The following MLLT3 variants were observed in gnomAD, a reference collection of about 807,000 sequenced individuals.
MLLT3 encodes the protein protein AF-9.
In MLLT3, 4 loss-of-function variants were observed where a neutral mutation model predicts 53.2. The observed-to-expected ratio is 0.08, with a 90% CI of 0.04 to 0.17. The LOEUF is 0.17. Among genes scored for constraint, MLLT3 ranks in the 10% least tolerant of loss-of-function variants. The pLI is 1.00. For missense variants in MLLT3, 569 were observed against 684.0 expected (o/e 0.83, Z 1.87); for synonymous variants, 283 against 230.6 (o/e 1.23, Z -2.06).
intron 2 of MLLT3, among the ~76,000 whole-genome samples, chr9:20,506,535 A>G (rs1331816711): frequency 6.6e-6 from 1 of 152,166 alleles, no homozygotes; most frequent in African/African-American, 2.4e-5. Context: ...ACATGCTGTT[A>G]GTATAAGGAT....
At chr9:20,598,619 A>T (rs947085874) in intron 2 of MLLT3, among the ~76,000 whole-genome samples, 2 of 152,216 alleles carry the variant, frequency 1.3e-5, no homozygotes, top group Admixed American at 6.5e-5. Context: ...AAGACAAATG[A>T]CACAAAACAA....
intron 4 of MLLT3, among the ~76,000 whole-genome samples, chr9:20,440,343 G>A (rs189491166): frequency 2.6e-5 from 4 of 152,208 alleles, no homozygotes; most frequent in African/African-American, 4.8e-5. Context: ...CCCTGAAAAT[G>A]AACCACATAT....
intron 2 of MLLT3, among the ~76,000 whole-genome samples, chr9:20,462,326 T>G (rs1192427019): frequency 6.6e-6 from 1 of 152,214 alleles, no homozygotes; most frequent in South Asian, 2.1e-4. Flanking sequence ...TCCATTTCCT[T>G]GAACAAGAAT....
chr9:20,452,015 A>G (rs1823850781), intron 3 of MLLT3, among the ~76,000 whole-genome samples: 1 of 152,200 alleles, frequency 6.6e-6, no homozygotes, highest in African/African-American at 2.4e-5. Flanking sequence ...CAAATAAATG[A>G]GCAGAACTGA....
chr9:20,345,332 A>G lies in MLLT3; in HGVS notation c.*1111T>C. ...AATTTTTTCAAATATAAAAGTGTCT[A>G]AGAGAATCATATGTGAACAAACAAA... On this transcript the variant is annotated 3_prime_UTR_variant, in exon 11 of 11. Coordinates refer to ENST00000380338, the MANE Select transcript of MLLT3 (RefSeq NM_004529.4). The G allele has an allele frequency of 4.7e-6, 1 of 211,646 alleles. No homozygotes were observed. The highest frequency in any genetic ancestry group is 9.6e-6 in the Non-Finnish European group (1 of 104,388). 13.1% of individuals were successfully genotyped at this position (211,646 alleles called of 1,614,324 possible). A position where few individuals can be genotyped will look rare whatever the true frequency, so the allele number is the denominator to read the frequency against.
intron 6 of MLLT3, among the ~76,000 whole-genome samples, chr9:20,364,335 A>T (rs1162299230): frequency 1.3e-5 from 2 of 152,226 alleles, no homozygotes; most frequent in African/African-American, 2.4e-5. Context: ...TCAAACTCTA[A>T]TTTTATTCTA....
At chr9:20,574,179 T>C (rs936282121) in intron 2 of MLLT3, among the ~76,000 whole-genome samples, 2 of 152,226 alleles carry the variant, frequency 1.3e-5, no homozygotes, top group African/African-American at 4.8e-5. Context: ...TAGGTGATAA[T>C]GCCCGGACTA....
chr9:20,434,402 T>G (rs1463849861), intron 4 of MLLT3, among the ~76,000 whole-genome samples: 1 of 152,212 alleles, frequency 6.6e-6, no homozygotes, highest in African/African-American at 2.4e-5. Context: ...TTCCAATTTT[T>G]TTTAAATTAT....
chr9:20,384,400 T>G (rs1002629069), intron 5 of MLLT3, among the ~76,000 whole-genome samples: 1 of 152,056 alleles, frequency 6.6e-6, no homozygotes, highest in African/African-American at 2.4e-5. Context: ...TCTTTTTTCT[T>G]TAAAAACTAC....
intron 2 of MLLT3, among the ~76,000 whole-genome samples, chr9:20,471,054 T>C (rs991364302): frequency 1.3e-5 from 2 of 151,916 alleles, no homozygotes; most frequent in Non-Finnish European, 2.9e-5. Flanking sequence ...CATAAGGAAA[T>C]AAGTAGCTCA....
intron 10 of MLLT3, among the ~76,000 whole-genome samples, chr9:20,350,594 C>CAAAAA (rs774973521): frequency 8.1e-6 from 1 of 123,974 alleles, no homozygotes. Flanking sequence ...GACTCCGTCT[C>CAAAAA]AAAAAAAGAA....
Position 20,365,694 on chromosome 9 carries a change from G to A in MLLT3, c.1176C>T (p.Phe392=), listed in dbSNP as rs762708808. The A allele has an allele frequency of 7.4e-6, 12 of 1,614,120 alleles. No individual in the cohort carries two copies. The highest frequency in any genetic ancestry group is 4.5e-5 in the East Asian group (2 of 44,904). ...ASSSSSSSSS[F]TPSQTRQQGP... ...CTTGTTGCCTGGTCTGGGATGGTGT[G>A]AAGCTGGAGCTGGAGCTGGAGCTGG... The change falls in exon 6 of 11, where the codon TTC becomes TTT. Residue 392 remains phenylalanine (F), a synonymous_variant. Coordinates refer to ENST00000380338, the MANE Select transcript of MLLT3 (RefSeq NM_004529.4).
At chr9:20,539,546 G>A (rs1431316280) in intron 2 of MLLT3, among the ~76,000 whole-genome samples, 1 of 152,140 alleles carries the variant, frequency 6.6e-6, no homozygotes, top group Non-Finnish European at 1.5e-5. Context: ...AAGGGGAGAA[G>A]TGCCACACTT....
At chr9:20,471,831 C>T (rs1465372098) in intron 2 of MLLT3, among the ~76,000 whole-genome samples, 3 of 149,680 alleles carry the variant, frequency 2.0e-5, no homozygotes, top group Admixed American at 1.3e-4. Context: ...ATGTCACCTA[C>T]CATTTTTTTT....
chr9:20,436,426 A>G (rs551981102), intron 4 of MLLT3, among the ~76,000 whole-genome samples: 3 of 152,316 alleles, frequency 2.0e-5, no homozygotes, highest in East Asian at 1.9e-4. Context: ...CTACAAAGCA[A>G]TAAACAAAAA....
chr9:20,426,974 C>CAA (rs201271655), intron 4 of MLLT3, among the ~76,000 whole-genome samples: 2,197 of 152,164 alleles, frequency 0.014, 26 homozygotes, highest in Non-Finnish European at 0.02. Context: ...ACCTAAACCT[C>CAA]AGAGTCTCAA....
Position 20,346,536 on chromosome 9 carries a change from G to C in MLLT3, c.1614C>G (p.Ile538Met). ...NLIEETGHFH[I>M]TNTTFDFDLC... is the part of the protein sequence containing the mutation. ...GATCAAAATCAAATGTTGTGTTTGTGATATGAAAGTGTCCAGTTTCTTCTA... is the reference window on the plus strand; with the variant it reads ...GATCAAAATCAAATGTTGTGTTTGTCATATGAAAGTGTCCAGTTTCTTCTA... Residue 538 changes from isoleucine (I) to methionine (M), a missense_variant, in exon 11 of 11, where the codon ATC becomes ATG. Physicochemically the swap from Ile to Met is conservative, Grantham distance 10 (BLOSUM62 1). Coordinates refer to ENST00000380338, the MANE Select transcript of MLLT3 (RefSeq NM_004529.4). 6.2e-7 allele frequency: 1 copy of C among 1,613,720 alleles called. No homozygotes were observed. Among genetic ancestry groups the C allele is most frequent in the Non-Finnish European group, 8.5e-7 (1 of 1,179,672 alleles).
chr9:20,538,517 T>C (rs10757137), intron 2 of MLLT3, among the ~76,000 whole-genome samples: 30,286 of 152,068 alleles, frequency 0.2, 3,074 homozygotes, highest in Middle Eastern at 0.25. Context: ...CAAACATTCC[T>C]ATCTAAATTC....
intron 2 of MLLT3, among the ~76,000 whole-genome samples, chr9:20,505,853 A>G (rs1156451887): frequency 2.6e-5 from 4 of 152,212 alleles, no homozygotes; most frequent in African/African-American, 9.6e-5. Flanking sequence ...TTAACTGTTC[A>G]TACTACCACT....
Sources: gnomAD v4.1 joint callset for allele counts (sites outside exome capture counted in the v4.1 genomes callset) on GRCh38, gnomAD v4.1.1 for gene constraint, MANE v1.5 for transcripts, NCBI Gene and HGNC (gene_info 2026-07-23, HGNC 2026-07-21) for gene names.